The following SNX27 variants were observed in gnomAD, a reference collection of about 807,000 sequenced individuals.
SNX27 encodes sorting nexin 27, also known as sorting nexin-27.
Under a neutral mutation model 71.6 loss-of-function variants are expected in SNX27, and 22 were observed. The observed-to-expected ratio is 0.31, with a 90% CI of 0.22 to 0.44. The LOEUF (loss-of-function observed/expected upper bound fraction) is 0.44. SNX27 is among the 20% of genes least tolerant of loss of function. The probability of loss-of-function intolerance (pLI) is 1.00; values close to 1 mark genes in which losing one functional copy is unlikely to be tolerated. For missense variants in SNX27, 531 were observed against 698.6 expected (o/e 0.76, Z 2.70); for synonymous variants, 269 against 277.2 (o/e 0.97, Z 0.29).
chr1:151,616,250 T>G (rs1411901241), intron 1 of SNX27, among the ~76,000 whole-genome samples: 3 of 152,186 alleles, frequency 2.0e-5, no homozygotes, highest in Admixed American at 6.5e-5. Flanking sequence ...TTCAGGTTAA[T>G]TTTCTTAAGG....
chr1:151,657,975 C>T (rs569617956), intron 2 of SNX27, among the ~76,000 whole-genome samples: 148 of 152,020 alleles, frequency 9.7e-4, no homozygotes, highest in Non-Finnish European at 1.8e-3. Context: ...CACTCCAGCC[C>T]GGGCAACAGA....
chr1:151,674,976 G>A lies in SNX27; in HGVS notation c.1149+6341G>A, dbSNP rs189314624. 7.5e-4 allele frequency among the ~76,000 whole-genome samples: 114 copies of A among 152,180 alleles called. 1 individual carries two copies. Among genetic ancestry groups the A allele is most frequent in the African/African-American group, 2.5e-3 (105 of 41,518 alleles). On this transcript the variant is annotated intron_variant, in intron 7 of 11. Coordinates refer to ENST00000458013, the MANE Select transcript of SNX27 (RefSeq NM_001330723.2). ...GCTGGGATTACAGGTGTGAGCCACC[G>A]CGCCCGGCACTGATTGTTTCTTAAA...
At chr1:151,614,898 C>T (rs140506076) in intron 1 of SNX27, among the ~76,000 whole-genome samples, 3 of 152,190 alleles carry the variant, frequency 2.0e-5, no homozygotes, top group African/African-American at 4.8e-5. Context: ...TGCAGATACA[C>T]GCACACATCC....
intron 7 of SNX27, among the ~76,000 whole-genome samples, chr1:151,675,587 A>G (rs370616915): frequency 7.9e-5 from 12 of 151,442 alleles, no homozygotes; most frequent in African/African-American, 2.2e-4. Context: ...GGTTTTCCCT[A>G]TGTTGCTGGG....
chr1:151,660,944 T>G, intron 4 of SNX27, 82 bp downstream of exon 4: 1 of 1,017,656 alleles, frequency 9.8e-7, no homozygotes, highest in Non-Finnish European at 1.6e-6. Flanking sequence ...GATTATGCAT[T>G]AAATTTCCAT....
chr1:151,645,063 G>A (rs183210486), intron 2 of SNX27, among the ~76,000 whole-genome samples: 24 of 152,238 alleles, frequency 1.6e-4, no homozygotes, highest in African/African-American at 5.5e-4. Context: ...GCCTCCCAAA[G>A]TGTTGGGATT....
chr1:151,645,581 T>G (rs2102647639), intron 2 of SNX27, among the ~76,000 whole-genome samples: 1 of 152,346 alleles, frequency 6.6e-6, no homozygotes, highest in South Asian at 2.1e-4. Context: ...CAAGAAGGGA[T>G]TAGTCTGAGA....
At chr1:151,625,904 G>T (rs539265436) in intron 1 of SNX27, among the ~76,000 whole-genome samples, 2 of 151,740 alleles carry the variant, frequency 1.3e-5, no homozygotes, top group Non-Finnish European at 2.9e-5. Flanking sequence ...GCCGAGATCA[G>T]GCCACTGCAT....
chr1:151,660,484 G>C (rs2102680873), intron 3 of SNX27: 1 of 216,336 alleles, frequency 4.6e-6, no homozygotes, highest in East Asian at 1.0e-4. Flanking sequence ...CTGTTGTTCT[G>C]CTTGTTAATA....
intron 10 of SNX27, 37 bp downstream of exon 10, chr1:151,693,076 T>G (rs1374117963): frequency 6.3e-7 from 1 of 1,594,124 alleles, no homozygotes; most frequent in Admixed American, 1.8e-5. Flanking sequence ...GGGACTTAGT[T>G]TGTTTTTTTG....
At position 151,660,793 on chromosome 1, in the gene SNX27, T is replaced by C. The variant is rs755975481; in HGVS notation, c.737-5T>C. 1 of 1,609,088 alleles carries C rather than the reference T, an allele frequency of 6.2e-7. No homozygotes were observed. The highest frequency in any genetic ancestry group is 1.1e-5 in the South Asian group (1 of 90,954). On this transcript the variant is annotated splice_region_variant and splice_polypyrimidine_tract_variant and intron_variant, in intron 3 of 11. Coordinates refer to ENST00000458013, the MANE Select transcript of SNX27 (RefSeq NM_001330723.2). ...TATGCCAGATTTTATCTTTATTTTCTACAGTGTGTTCAATACGAGTAATTG... is the reference window on the plus strand; with the variant it reads ...TATGCCAGATTTTATCTTTATTTTCCACAGTGTGTTCAATACGAGTAATTG...
Position 151,694,354 on chromosome 1 carries a change from T to C in SNX27, c.1579-16T>C. ...AGATGTGCCTTCCCAATAACTCTTTTTTTTTTTCCTTTCAGAACATTTTCC... is the reference window on the plus strand; with the variant it reads ...AGATGTGCCTTCCCAATAACTCTTTCTTTTTTTCCTTTCAGAACATTTTCC... On this transcript the variant is annotated splice_polypyrimidine_tract_variant and intron_variant, in intron 11 of 11. Coordinates refer to ENST00000458013, the MANE Select transcript of SNX27 (RefSeq NM_001330723.2). The C allele has an allele frequency of 6.5e-7, 1 of 1,550,034 alleles. No homozygotes were observed. The highest frequency in any genetic ancestry group is 8.7e-7 in the Non-Finnish European group (1 of 1,146,770).
rs548981382 is a variant in SNX27, at chr1:151,619,022, A to C, written c.311+6510A>C. 1.9e-3 allele frequency among the ~76,000 whole-genome samples: 285 copies of C among 152,218 alleles called. 2 individuals are homozygous for C. Among genetic ancestry groups the C allele is most frequent in the African/African-American group, 6.4e-3 (266 of 41,546 alleles). ...ACCTAATATATATGCAAAAAAAAAA[A>C]ACACCTGAAATAAGCTTCACAAAAA... On this transcript the variant is annotated intron_variant, in intron 1 of 11. Transcript: ENST00000458013.
intron 1 of SNX27, among the ~76,000 whole-genome samples, chr1:151,625,232 C>T (rs948939156): frequency 6.6e-6 from 1 of 152,156 alleles, no homozygotes; most frequent in African/African-American, 2.4e-5. Flanking sequence ...GTAGGCCAGG[C>T]GCTGTGGCTG....
At chr1:151,668,274 C>T (rs545741012) in intron 6 of SNX27, among the ~76,000 whole-genome samples, 198 bp from the exon 7 acceptor site, 38 of 152,304 alleles carry the variant, frequency 2.5e-4, no homozygotes, top group Admixed American at 2.6e-4. Flanking sequence ...CTTGACTGGC[C>T]ATGGCCATAG....
intron 2 of SNX27, among the ~76,000 whole-genome samples, chr1:151,655,532 C>T (rs1241047213): frequency 6.6e-6 from 1 of 152,220 alleles, no homozygotes; most frequent in Non-Finnish European, 1.5e-5. Flanking sequence ...GTTTATTCAA[C>T]TCAGTGAAGT....
In SNX27 at chr1:151,646,882, GAC is replaced by G. The variant is rs76803336; in HGVS notation, c.543+7783_543+7784del. On this transcript the variant is annotated intron_variant, in intron 2 of 11. Transcript: ENST00000458013. ...CTCTCTGTTGCCCAGGCTGGACACA[GAC>G]ACACACACACACACACACAAACAAA... 1.7e-4 allele frequency among the ~76,000 whole-genome samples: 25 copies of G among 148,658 alleles called. No homozygotes were observed. The East Asian group carries it at 2.2e-3, about 13-fold the overall frequency.
intron 1 of SNX27, among the ~76,000 whole-genome samples, chr1:151,621,716 A>G (rs1667684514): frequency 6.6e-6 from 1 of 152,174 alleles, no homozygotes; most frequent in Non-Finnish European, 1.5e-5. Flanking sequence ...TTTTATATCT[A>G]TGTGTTGATC....
chr1:151,643,263 CTTTT>C (rs1453797031), intron 2 of SNX27, among the ~76,000 whole-genome samples: 11 of 118,108 alleles, frequency 9.3e-5, no homozygotes, highest in Non-Finnish European at 1.5e-4. Flanking sequence ...CACGCCTGGC[CTTTT>C]ATTTATTTAT....
Sources: gnomAD v4.1 joint callset for allele counts (sites outside exome capture counted in the v4.1 genomes callset) on GRCh38, gnomAD v4.1.1 for gene constraint, MANE v1.5 for transcripts, NCBI Gene and HGNC (gene_info 2026-07-23, HGNC 2026-07-21) for gene names.